GALNT7: variants seen among roughly 807,000 people sequenced by gnomAD.
GALNT7 encodes polypeptide N-acetylgalactosaminyltransferase 7.
Under a neutral mutation model 82.1 loss-of-function variants are expected in GALNT7, and 60 were observed. The ratio of observed to expected loss-of-function variants is 0.73; its 90% confidence interval spans 0.59 to 0.91. The LOEUF (loss-of-function observed/expected upper bound fraction) is 0.91, where lower values mean the gene tolerates loss of function less well. Ranked by LOEUF, GALNT7 falls within the 40% of genes least tolerant of loss-of-function variation. The pLI is 0.00. For synonymous variants in GALNT7, 243 were observed against 275.1 expected, an observed-to-expected ratio of 0.88 and a Z score of 1.15; for missense variants, 660 against 804.2, an observed-to-expected ratio of 0.82 and a Z score of 2.17.
intron 1 of GALNT7, among the ~76,000 whole-genome samples, chr4:173,178,052 T>TGCGCGCGTGCGCGC (rs60869480): frequency 1.5e-5 from 2 of 129,510 alleles, no homozygotes; most frequent in African/African-American, 6.1e-5. Flanking sequence ...TGTGTGTGTG[T>TGCGCGCGTGCGCGC]GCGCGCACGC....
At chr4:173,286,060 A>G (rs888895491) in intron 2 of GALNT7, among the ~76,000 whole-genome samples, 1 of 152,238 alleles carries the variant, frequency 6.6e-6, no homozygotes, top group African/African-American at 2.4e-5. Flanking sequence ...AACAAGATCT[A>G]TGAAGAGAAA....
intron 1 of GALNT7, among the ~76,000 whole-genome samples, chr4:173,199,759 G>A (rs1239583963): frequency 1.3e-5 from 2 of 152,182 alleles, no homozygotes; most frequent in Non-Finnish European, 2.9e-5. Flanking sequence ...TTTGGGCGGC[G>A]GGTGGTGGGT....
intron 2 of GALNT7, among the ~76,000 whole-genome samples, chr4:173,257,610 C>T (rs984843066): frequency 6.6e-6 from 1 of 152,196 alleles, no homozygotes; most frequent in African/African-American, 2.4e-5. Flanking sequence ...TGACCTGTAG[C>T]TTTGCTTCCC....
intron 1 of GALNT7, among the ~76,000 whole-genome samples, chr4:173,183,490 T>C (rs982407618): frequency 1.4e-4 from 22 of 151,956 alleles, no homozygotes; most frequent in East Asian, 1.9e-4. Context: ...TTTTTTTTTT[T>C]CCCCAAGGCA....
chr4:173,215,569 C>T (rs1579918956), intron 1 of GALNT7, among the ~76,000 whole-genome samples: 1 of 151,966 alleles, frequency 6.6e-6, no homozygotes, highest in Non-Finnish European at 1.5e-5. Flanking sequence ...CTGGGGAACC[C>T]GACTGGGGAT....
intron 1 of GALNT7, among the ~76,000 whole-genome samples, chr4:173,236,799 CT>C (rs1297507196): frequency 6.6e-6 from 1 of 152,160 alleles, no homozygotes; most frequent in Non-Finnish European, 1.5e-5. Flanking sequence ...GAGGCAAGGC[CT>C]TTTTCTATAA....
intron 8 of GALNT7, among the ~76,000 whole-genome samples, chr4:173,309,818 A>C (rs1370378723): frequency 6.6e-6 from 1 of 152,236 alleles, no homozygotes; most frequent in African/African-American, 2.4e-5. Flanking sequence ...TGATAAAACA[A>C]AAATAGCACC....
At chr4:173,224,738 C>A (rs368682393) in intron 1 of GALNT7, among the ~76,000 whole-genome samples, 2 of 151,900 alleles carry the variant, frequency 1.3e-5, no homozygotes, top group Non-Finnish European at 2.9e-5. Flanking sequence ...ATTGGCCGGG[C>A]GCGGTGGCTC....
chr4:173,239,839 A>G (rs891633003), intron 1 of GALNT7, among the ~76,000 whole-genome samples: 2 of 152,192 alleles, frequency 1.3e-5, no homozygotes, highest in Non-Finnish European at 2.9e-5. Context: ...GTGCATTGTT[A>G]TGGTTCTTTA....
intron 2 of GALNT7, among the ~76,000 whole-genome samples, chr4:173,258,244 G>A (rs1202246214): frequency 6.6e-6 from 1 of 152,142 alleles, no homozygotes; most frequent in Non-Finnish European, 1.5e-5. Flanking sequence ...TGTCATTGTG[G>A]TACTAGTCTC....
intron 2 of GALNT7, among the ~76,000 whole-genome samples, chr4:173,255,090 C>T (rs1286539649): frequency 6.6e-6 from 1 of 152,198 alleles, no homozygotes; most frequent in Non-Finnish European, 1.5e-5. Context: ...ACTTACGTTA[C>T]CCCCATTTCT....
chr4:173,206,041 C>T (rs1733086216), intron 1 of GALNT7, among the ~76,000 whole-genome samples: 2 of 152,044 alleles, frequency 1.3e-5, no homozygotes, highest in South Asian at 4.2e-4. Flanking sequence ...AACCTGGAAC[C>T]TCAGGGGCTG....
At chr4:173,192,318 A>G (rs927014421) in intron 1 of GALNT7, among the ~76,000 whole-genome samples, 1 of 152,054 alleles carries the variant, frequency 6.6e-6, no homozygotes, top group South Asian at 2.1e-4. Context: ...CCCCCTGTCC[A>G]TTATGATTTT....
intron 9 of GALNT7, chr4:173,316,946 C>A (rs576722336): frequency 1.3e-5 from 2 of 152,378 alleles, no homozygotes; most frequent in South Asian, 2.1e-4. Flanking sequence ...TGCACCTCTT[C>A]ATATCCTCAA....
intron 1 of GALNT7, among the ~76,000 whole-genome samples, chr4:173,235,400 C>G (rs913949238): frequency 3.9e-5 from 6 of 152,220 alleles, no homozygotes; most frequent in African/African-American, 1.4e-4. Flanking sequence ...TCTAGTCCTT[C>G]TTGCTTGGCA....
rs1734737317 is a variant in GALNT7, at chr4:173,248,404, C to T, written c.551C>T (p.Ser184Leu). ...AACATGGTGGCAAGTGACATGATCT[C>T]ACTGGACCGCAGCGTCAATGACTTA... ...GFNMVASDMI[S>L]LDRSVNDLRQ... The change falls in exon 2 of 12, where the codon TCA becomes TTA. Residue 184 changes from serine (S) to leucine (L), a missense_variant. By Grantham distance (145) the Ser-to-Leu change is moderately radical. This residue lies in a region of GALNT7 where 527 missense variants were observed against 683.5 expected (regional missense o/e 0.77). Transcript: ENST00000265000. The T allele has an allele frequency of 6.2e-7, 1 of 1,612,284 alleles. No individual in the cohort carries two copies. Among genetic ancestry groups the T allele is most frequent in the African/African-American group, 1.3e-5 (1 of 75,018 alleles).
intron 2 of GALNT7, among the ~76,000 whole-genome samples, chr4:173,274,110 G>T (rs529335571): frequency 4.3e-4 from 66 of 152,242 alleles, no homozygotes; most frequent in Non-Finnish European, 9.4e-4. Flanking sequence ...TTCCCAGGGA[G>T]TTTTGAAGAA....
At chr4:173,232,586 C>T (rs531482644) in intron 1 of GALNT7, among the ~76,000 whole-genome samples, 1 of 152,080 alleles carries the variant, frequency 6.6e-6, no homozygotes, top group East Asian at 1.9e-4. Context: ...ACACACACCA[C>T]CATGCCCTGC....
intron 2 of GALNT7, among the ~76,000 whole-genome samples, chr4:173,253,431 T>C (rs1321524944): frequency 6.6e-6 from 1 of 152,138 alleles, no homozygotes; most frequent in Non-Finnish European, 1.5e-5. Flanking sequence ...ATCTGGTATT[T>C]GGGAAGACCC....
Sources: allele counts gnomAD v4.1 joint callset (sites outside exome capture counted in the v4.1 genomes callset), GRCh38; gene constraint gnomAD v4.1.1; regional missense constraint gnomAD v4.1.1; transcripts MANE v1.5; gene names NCBI Gene and HGNC (gene_info 2026-07-23, HGNC 2026-07-21).